Variants in SRPK2 observed in about 807,000 individuals in gnomAD.
SRPK2 encodes SRSF protein kinase 2, also known as SFRS protein kinase 2.
In SRPK2, 21 loss-of-function variants were observed where a neutral mutation model predicts 90.8. The observed-to-expected ratio is 0.23, with a 90% CI of 0.16 to 0.33. The LOEUF is 0.33. Ranked by LOEUF, SRPK2 falls within the 10% of genes least tolerant of loss-of-function variation. SRPK2 has a pLI of 1.00. For synonymous variants in SRPK2, 288 were observed against 311.1 expected, an observed-to-expected ratio of 0.93 and a Z score of 0.78; for missense variants, 620 against 869.0, an observed-to-expected ratio of 0.71 and a Z score of 3.60.
chr7:105,223,340 T>C (rs1585235400), intron 2 of SRPK2, among the ~76,000 whole-genome samples: 1 of 152,184 alleles, frequency 6.6e-6, no homozygotes, highest in East Asian at 1.9e-4. Flanking sequence ...ACAGAATCTG[T>C]TTCCACATTT....
intron 2 of SRPK2, among the ~76,000 whole-genome samples, chr7:105,289,649 C>T (rs1808685711): frequency 6.6e-6 from 1 of 152,190 alleles, no homozygotes; most frequent in African/African-American, 2.4e-5. Flanking sequence ...TATCCATACC[C>T]AACATTCAGA....
chr7:105,240,915 C>T (rs1176828244), intron 2 of SRPK2, among the ~76,000 whole-genome samples: 1 of 152,112 alleles, frequency 6.6e-6, no homozygotes, highest in Admixed American at 6.5e-5. Context: ...TCACAGCCTG[C>T]AATGTTTTAT....
At chr7:105,293,438 A>C (rs1809336354) in intron 2 of SRPK2, among the ~76,000 whole-genome samples, 1 of 136,142 alleles carries the variant, frequency 7.3e-6, no homozygotes, top group South Asian at 2.2e-4. Context: ...AGATACAAAT[A>C]TCATTTCCTT....
intron 2 of SRPK2, among the ~76,000 whole-genome samples, chr7:105,365,510 T>TATATA (rs1490581230): frequency 8.6e-6 from 1 of 116,370 alleles, no homozygotes; most frequent in African/African-American, 3.4e-5. Flanking sequence ...AAAAAAAAAA[T>TATATA]TATATATATA....
intron 2 of SRPK2, among the ~76,000 whole-genome samples, chr7:105,323,067 C>G (rs931962615): frequency 7.9e-5 from 12 of 152,002 alleles, no homozygotes; most frequent in Admixed American, 6.6e-5. Flanking sequence ...GGCATGGTGG[C>G]GCATGCCTGT....
intron 8 of SRPK2, among the ~76,000 whole-genome samples, chr7:105,145,615 T>C (rs766718143): frequency 1.3e-5 from 2 of 151,936 alleles, no homozygotes; most frequent in African/African-American, 4.8e-5. Context: ...CTTAAGAAAA[T>C]GGAAAAGAAT....
intron 2 of SRPK2, among the ~76,000 whole-genome samples, chr7:105,291,125 T>C (rs1267431340): frequency 1.3e-5 from 2 of 150,108 alleles, no homozygotes; most frequent in Non-Finnish European, 3.0e-5. Context: ...ACAGAGAACC[T>C]ATCATGTGCA....
At chr7:105,227,126 A>C (rs1250904105) in intron 2 of SRPK2, among the ~76,000 whole-genome samples, 1 of 152,150 alleles carries the variant, frequency 6.6e-6, no homozygotes, top group Admixed American at 6.5e-5. Flanking sequence ...TAATTCTCAA[A>C]CCAAGTAACA....
upstream of SRPK2, among the ~76,000 whole-genome samples, chr7:105,393,470 T>C (rs1203611296): frequency 6.7e-6 from 1 of 149,490 alleles, no homozygotes; most frequent in Non-Finnish European, 1.5e-5. Context: ...TTTTTTTTTT[T>C]TTTTTTTTTT....
chr7:105,128,835 C>T lies in SRPK2; in HGVS notation c.1753-1773G>A, dbSNP rs141735004. On this transcript the variant is annotated intron_variant, in intron 13 of 15. Coordinates refer to ENST00000393651, the MANE Select transcript of SRPK2 (RefSeq NM_182692.3). ...TCAGCCTCCAGAGAAGCTGGGACTA[C>T]AGGCGCACTACACTGCACCCAGCTT... 3.3e-5 allele frequency among the ~76,000 whole-genome samples: 5 copies of T among 152,264 alleles called. No individual in the cohort carries two copies. In the East Asian group the frequency reaches 9.6e-4, roughly 29 times the overall value.
chr7:105,305,621 C>T (rs576410294), intron 2 of SRPK2, among the ~76,000 whole-genome samples: 2 of 149,278 alleles, frequency 1.3e-5, no homozygotes, highest in South Asian at 4.2e-4. Flanking sequence ...AATTACCCAA[C>T]AGGAAAAAAA....
At chr7:105,263,139 A>AAGGCAAAACCCCGTG (rs1804546794) in intron 2 of SRPK2, among the ~76,000 whole-genome samples, 1 of 152,134 alleles carries the variant, frequency 6.6e-6, no homozygotes, top group Admixed American at 6.6e-5. Flanking sequence ...CCTGGCCAAC[A>AAGGCAAAACCCCGTG]AGGCAAAACC....
chr7:105,140,065 A>G (rs1303081280), intron 11 of SRPK2, among the ~76,000 whole-genome samples: 1 of 152,134 alleles, frequency 6.6e-6, no homozygotes, highest in Non-Finnish European at 1.5e-5. Context: ...ACCTGCTACA[A>G]TGTAAATGGT....
At chr7:105,365,327 A>G (rs966359926) in intron 2 of SRPK2, among the ~76,000 whole-genome samples, 1 of 151,838 alleles carries the variant, frequency 6.6e-6, no homozygotes, top group South Asian at 2.1e-4. Context: ...TCTACTAAAA[A>G]TACAAAAAAT....
intron 7 of SRPK2, among the ~76,000 whole-genome samples, chr7:105,147,772 T>TTCC (rs1212246531): frequency 6.6e-6 from 1 of 152,244 alleles, no homozygotes; most frequent in African/African-American, 2.4e-5. Context: ...AATGGAATCA[T>TTCC]ATAAAGTATT....
chr7:105,142,300 T>A lies in SRPK2; in HGVS notation c.1251A>T (p.Glu417Asp). 6.2e-7 allele frequency: 1 copy of A among 1,614,202 alleles called. No individual in the cohort carries two copies. The highest frequency in any genetic ancestry group is 8.5e-7 in the Non-Finnish European group (1 of 1,180,022). Residue 417 changes from glutamate to aspartate, a missense_variant, in exon 11 of 16, where the codon GAA (glutamate) becomes GAT (aspartate). This residue lies in a region of SRPK2 where 243 missense variants were observed against 245.7 expected (regional missense o/e 0.99). Coordinates refer to ENST00000393651, the MANE Select transcript of SRPK2 (RefSeq NM_182692.3). ...QQLDDEDDDE[E>D]DCPNPEEYNL... is the part of the protein sequence containing the mutation. ...TATATTCCTCAGGATTTGGGCAGTCTTCTTCATCATCATCTTCATCGTCCA... is the reference window on the plus strand; with the variant it reads ...TATATTCCTCAGGATTTGGGCAGTCATCTTCATCATCATCTTCATCGTCCA...
At chr7:105,328,539 G>A (rs562671779) in intron 2 of SRPK2, among the ~76,000 whole-genome samples, 25 of 108,086 alleles carry the variant, frequency 2.3e-4, no homozygotes, top group African/African-American at 9.0e-4. Context: ...TCCAGCCTCA[G>A]TGACAGAGCC....
At chr7:105,280,540 T>C (rs1807126797) in intron 2 of SRPK2, among the ~76,000 whole-genome samples, 2 of 151,874 alleles carry the variant, frequency 1.3e-5, no homozygotes, top group South Asian at 2.1e-4. Context: ...TCTAACTTCT[T>C]TGGTAAGCCA....
chr7:105,232,094 T>A (rs559228938), intron 2 of SRPK2, among the ~76,000 whole-genome samples: 84 of 152,296 alleles, frequency 5.5e-4, no homozygotes, highest in African/African-American at 1.9e-3. Flanking sequence ...GCTTAAGCAA[T>A]CCTCTTGCCT....
Sources: allele counts gnomAD v4.1 joint callset (sites outside exome capture counted in the v4.1 genomes callset), GRCh38; gene constraint gnomAD v4.1.1; regional missense constraint gnomAD v4.1.1; transcripts MANE v1.5; gene names NCBI Gene and HGNC (gene_info 2026-07-23, HGNC 2026-07-21).